The following RGS7BP variants were observed in gnomAD, a reference collection of about 807,000 sequenced individuals.
RGS7BP encodes regulator of G protein signaling 7 binding protein, also known as regulator of G protein signaling 7-binding protein.
RGS7BP carries 9 observed loss-of-function variants against 31.3 expected under a neutral mutation model. The ratio of observed to expected loss-of-function variants is 0.29; its 90% CI spans 0.17 to 0.50. RGS7BP has a LOEUF of 0.50. Ranked by LOEUF, RGS7BP falls within the 20% of genes least tolerant of loss-of-function variation. The pLI is 0.98. For synonymous variants in RGS7BP, 115 were observed against 120.1 expected, an observed-to-expected ratio of 0.96 and a Z score of 0.28; for missense variants, 274 against 322.0, an observed-to-expected ratio of 0.85 and a Z score of 1.14.
At chr5:64,599,530 C>T (rs3846474) in intron 5 of RGS7BP, among the ~76,000 whole-genome samples, 99,436 of 151,982 alleles carry the variant, frequency 0.65, 33,025 homozygotes, top group Admixed American at 0.76. Context: ...GCCTGAGCTA[C>T]ACAGGGGTGG....
chr5:64,594,993 G>A, intron 4 of RGS7BP, 136 bp downstream of exon 4: 1 of 906,322 alleles, frequency 1.1e-6, no homozygotes, highest in Non-Finnish European at 1.7e-6. Context: ...GCATAGTGCT[G>A]TCAGGGACCC....
chr5:64,555,832 T>C (rs1026738175), intron 2 of RGS7BP, among the ~76,000 whole-genome samples: 19 of 152,190 alleles, frequency 1.2e-4, no homozygotes, highest in African/African-American at 4.6e-4. Context: ...ACACATATGC[T>C]ACACAATGCT....
rs1743447308 is a variant in RGS7BP, at chr5:64,609,395, C to A, written c.*143C>A. ...ATTACTTTTATCTGCCTCCCCCTGC[C>A]CTTTTAAATGATTTTACACTTGAAA... On this transcript the variant is annotated 3_prime_UTR_variant, in exon 6 of 6. Coordinates refer to ENST00000334025, the MANE Select transcript of RGS7BP (RefSeq NM_001029875.3). The A allele has an allele frequency of 3.4e-6, 2 of 592,584 alleles. No individual in the cohort carries two copies. The highest frequency in any genetic ancestry group is 3.7e-5 in the African/African-American group (2 of 53,664). 36.7% of individuals were successfully genotyped at this position (592,584 alleles called of 1,614,324 possible).
intron 2 of RGS7BP, among the ~76,000 whole-genome samples, chr5:64,554,987 G>A (rs771573229): frequency 6.6e-6 from 1 of 151,912 alleles, no homozygotes; most frequent in Non-Finnish European, 1.5e-5. Context: ...TGAAGAAAAT[G>A]CAACAGAGAA....
intron 2 of RGS7BP, among the ~76,000 whole-genome samples, chr5:64,513,077 C>G (rs1172281607): frequency 6.6e-6 from 1 of 152,250 alleles, no homozygotes; most frequent in South Asian, 2.1e-4. Context: ...ATCACATGGA[C>G]CTTGTTTACA....
intron 4 of RGS7BP, among the ~76,000 whole-genome samples, chr5:64,597,667 A>G (rs1223495116): frequency 6.6e-6 from 1 of 151,612 alleles, no homozygotes. Context: ...AAAATAGCAC[A>G]TGTTCTCACT....
chr5:64,535,012 A>G (rs1273224132), intron 2 of RGS7BP, among the ~76,000 whole-genome samples: 1 of 152,204 alleles, frequency 6.6e-6, no homozygotes, highest in African/African-American at 2.4e-5. Flanking sequence ...AAACTGTCTC[A>G]GATGGAAGGT....
Position 64,559,726 on chromosome 5 carries a change from C to T in RGS7BP, c.333-16048C>T, listed in dbSNP as rs964136146. 3.3e-5 allele frequency among the ~76,000 whole-genome samples: 5 copies of T among 152,188 alleles called. No homozygotes were observed. The South Asian group carries it at 6.2e-4, about 19-fold the overall frequency. On this transcript the variant is annotated intron_variant, in intron 2 of 5. Coordinates refer to ENST00000334025, the MANE Select transcript of RGS7BP (RefSeq NM_001029875.3). ...AAGAAATGAAAAAAGGCAAAACAAG[C>T]TTTACCGATGCAGTACATTTGCCAG...
At chr5:64,531,302 G>C (rs1484692173) in intron 2 of RGS7BP, among the ~76,000 whole-genome samples, 2 of 152,152 alleles carry the variant, frequency 1.3e-5, no homozygotes, top group East Asian at 3.8e-4. Flanking sequence ...TTGTAAGAGA[G>C]GCTTCCAAGG....
chr5:64,567,526 C>T lies in RGS7BP; in HGVS notation c.333-8248C>T, dbSNP rs114392790. On this transcript the variant is annotated intron_variant, in intron 2 of 5. Coordinates refer to ENST00000334025, the MANE Select transcript of RGS7BP (RefSeq NM_001029875.3). ...CGATACTTGCTTTATTACATATCTA[C>T]CTGTCTGTTTATCCCTCTGTCCAGC... Among the ~76,000 whole-genome samples the T allele has an allele frequency of 4.5e-3, 686 of 152,188 alleles. 7 individuals are homozygous for T. Among genetic ancestry groups the T allele is most frequent in the African/African-American group, 0.014 (598 of 41,546 alleles).
chr5:64,598,570 G>T, intron 5 of RGS7BP, 135 bp downstream of exon 5: 1 of 692,916 alleles, frequency 1.4e-6, no homozygotes. Flanking sequence ...CTTTCCTCAA[G>T]AAGATATCAA....
At chr5:64,559,383 T>G (rs1054245476) in intron 2 of RGS7BP, among the ~76,000 whole-genome samples, 1 of 152,186 alleles carries the variant, frequency 6.6e-6, no homozygotes, top group African/African-American at 2.4e-5. Context: ...TTTGTGGAAT[T>G]AGCTCTATGG....
chr5:64,572,587 A>G (rs1234147255), intron 2 of RGS7BP, among the ~76,000 whole-genome samples: 1 of 152,124 alleles, frequency 6.6e-6, no homozygotes, highest in Non-Finnish European at 1.5e-5. Context: ...ACATTAAAGG[A>G]CAATATATGA....
In RGS7BP at chr5:64,606,716, C is replaced by T. The variant is rs181451045; in HGVS notation, c.683-2445C>T. Among the ~76,000 whole-genome samples the T allele has an allele frequency of 7.8e-3, 1,189 of 152,154 alleles. 13 individuals carry two copies. The highest frequency in any genetic ancestry group is 0.015 in the South Asian group (74 of 4,810). ...AGAAAATTAGTTATTTCTTTCTGCT[C>T]CAAATATTTCATGGTTTATCTCTGA... is the stretch of plus-strand genomic sequence containing the variant. On this transcript the variant is annotated intron_variant, in intron 5 of 5. Coordinates refer to ENST00000334025, the MANE Select transcript of RGS7BP (RefSeq NM_001029875.3).
rs1288337068 is a variant in RGS7BP at position 64,506,472 on chromosome 5, A to C, written c.-153A>C. On this transcript the variant is annotated 5_prime_UTR_variant, in exon 1 of 6. Transcript: ENST00000334025. This position sits in a 1 kb window ranked among gnomAD's most constrained non-coding sequence, Gnocchi z 4.6. ...CTTCCCCGGCTCTCCTTCAAGCTGA[A>C]GGTTACCGACCCGCGCAGCCAGCCC... The C allele has an allele frequency of 1.5e-5, 8 of 531,734 alleles. No individual in the cohort carries two copies. The East Asian group carries it at 2.5e-4, about 17-fold the overall frequency. 32.9% of individuals were successfully genotyped at this position (531,734 alleles called of 1,614,324 possible).
At chr5:64,545,826 T>G (rs1741645620) in intron 2 of RGS7BP, among the ~76,000 whole-genome samples, 1 of 152,112 alleles carries the variant, frequency 6.6e-6, no homozygotes. Context: ...ATATGGAATT[T>G]GGGGAACTTG....
intron 5 of RGS7BP, among the ~76,000 whole-genome samples, chr5:64,603,612 G>A (rs943562776): frequency 2.6e-5 from 4 of 152,162 alleles, no homozygotes; most frequent in Non-Finnish European, 5.9e-5. Flanking sequence ...TTGCAAAGAA[G>A]GAATGGCCAG....
chr5:64,539,458 T>C (rs1289387846), intron 2 of RGS7BP: 1 of 152,258 alleles, frequency 6.6e-6, no homozygotes, highest in Non-Finnish European at 1.5e-5. Context: ...AATCTAAGGC[T>C]ACAAAGACTT....
chr5:64,595,491 A>T (rs1019213013), intron 4 of RGS7BP, among the ~76,000 whole-genome samples: 52 of 152,174 alleles, frequency 3.4e-4, no homozygotes, highest in Non-Finnish European at 8.8e-5. Context: ...TTTCTTGAAA[A>T]GAAGAGACTC....
Sources: allele counts gnomAD v4.1 joint callset (sites outside exome capture counted in the v4.1 genomes callset), GRCh38; gene constraint gnomAD v4.1.1; non-coding constraint Gnocchi (gnomAD v3.1); transcripts MANE v1.5; gene names NCBI Gene and HGNC (gene_info 2026-07-23, HGNC 2026-07-21).